Variants in ECHS1 observed in about 807,000 individuals in gnomAD.
ECHS1 encodes enoyl-CoA hydratase, mitochondrial.
ECHS1 carries 19 observed loss-of-function variants against 33.5 expected under a neutral mutation model. The ratio of observed to expected loss-of-function variants is 0.57; its 90% CI spans 0.40 to 0.83. The LOEUF (loss-of-function observed/expected upper bound fraction) is 0.83, where lower values mean the gene tolerates loss of function less well. ECHS1 is among the 40% of genes least tolerant of loss of function. ECHS1 has a pLI of 0.00. For missense variants in ECHS1, 365 were observed against 381.3 expected, an observed-to-expected ratio of 0.96 and a Z score of 0.36; for synonymous variants, 158 against 146.6, an observed-to-expected ratio of 1.08 and a Z score of -0.56.
Position 133,371,043 on chromosome 10 carries a change from C to T in ECHS1, c.89-286G>A, listed in dbSNP as rs186704372. Among the ~76,000 whole-genome samples, 390 of 152,316 alleles carry T rather than the reference C, an allele frequency of 2.6e-3. 4 individuals are homozygous for T. Among genetic ancestry groups the T allele is most frequent in the African/African-American group, 9.0e-3 (374 of 41,572 alleles). On this transcript the variant is annotated intron_variant, in intron 1 of 7. Coordinates refer to ENST00000368547, the MANE Select transcript of ECHS1 (RefSeq NM_004092.4). Reference sequence around the variant, plus strand: ...CTGTAATCCCAGCAATTTGGGAGGCCGAAGCGGTCGAATCACAAGGTCAGG... The same window carrying T: ...CTGTAATCCCAGCAATTTGGGAGGCTGAAGCGGTCGAATCACAAGGTCAGG...
intron 5 of ECHS1, 134 bp from the exon 6 acceptor site, chr10:133,366,229 A>G: frequency 4.8e-6 from 5 of 1,051,152 alleles, no homozygotes; most frequent in Non-Finnish European, 5.4e-6. Context: ...CGGCTTCCAC[A>G]CGGGAAGTGC....
chr10:133,362,659 T>C lies in ECHS1; in HGVS notation c.*209A>G, dbSNP rs1848979986. 1 of 597,252 alleles carries C rather than the reference T, an allele frequency of 1.7e-6. No homozygotes were observed. Among genetic ancestry groups the C allele is most frequent in the Non-Finnish European group, 3.0e-6 (1 of 334,278 alleles). The allele number at this position is 597,252 out of a possible 1,614,324, so 37.0% of individuals were successfully genotyped here. A position where few individuals can be genotyped will look rare whatever the true frequency, so the allele number is the denominator to read the frequency against. Reference sequence around the variant, plus strand: ...GGGGGCTCCTCAGCAGAATCTTAGATTTAGAAGGTGCTCCAGTCAGGACCC... The same window carrying C: ...GGGGGCTCCTCAGCAGAATCTTAGACTTAGAAGGTGCTCCAGTCAGGACCC... On this transcript the variant is annotated 3_prime_UTR_variant, in exon 8 of 8. Coordinates refer to ENST00000368547, the MANE Select transcript of ECHS1 (RefSeq NM_004092.4).
chr10:133,373,152 C>G, intron 1 of ECHS1, 94 bp downstream of exon 1: 1 of 966,234 alleles, frequency 1.0e-6, no homozygotes, highest in Non-Finnish European at 1.3e-6. Context: ...GATGCGGGGT[C>G]AGGTGGGAGG....
intron 5 of ECHS1, 37 bp downstream of exon 5, chr10:133,366,851 GT>G (rs1282353980): frequency 6.5e-7 from 1 of 1,543,528 alleles, no homozygotes; most frequent in Non-Finnish European, 8.9e-7. Context: ...CCCACCCCGG[GT>G]TTCCAGGTGG....
intron 3 of ECHS1, among the ~76,000 whole-genome samples, 168 bp downstream of exon 3, chr10:133,369,736 A>C (rs1849079697): frequency 6.6e-6 from 1 of 152,156 alleles, no homozygotes; most frequent in East Asian, 1.9e-4. Flanking sequence ...AGATGCCAGG[A>C]GGTGTCCTCT....
At position 133,369,904 on chromosome 10, in the gene ECHS1, G is replaced by A. The variant is rs149399503; in HGVS notation, c.414C>T (p.Ala138=). The part of the protein sequence containing the change: ...KPVIAAVNGY[A]FGGGCELAMM... ...GGAGACTCTTGGCAGCAACACTCAC[G>A]GCATAGCCATTGACAGCAGCGATGA... The change falls in exon 3 of 8, where the codon GCC becomes GCT. Residue 138 remains alanine (A), a splice_region_variant and synonymous_variant. Transcript: ENST00000368547. The A allele has an allele frequency of 8.9e-5, 144 of 1,613,390 alleles. No individual in the cohort carries two copies. In the African/African-American group the frequency reaches 1.2e-3, roughly 13 times the overall value.
chr10:133,363,380 C>CGCGCATCTGT (rs56046171), intron 7 of ECHS1, among the ~76,000 whole-genome samples: 4 of 151,198 alleles, frequency 2.6e-5, no homozygotes, highest in African/African-American at 7.3e-5. Context: ...CACACACACA[C>CGCGCATCTGT]ACACGCATCT....
chr10:133,370,428 C>A (rs966690951), intron 2 of ECHS1, 132 bp downstream of exon 2: 1 of 1,034,904 alleles, frequency 9.7e-7, no homozygotes, highest in Non-Finnish European at 1.3e-6. Context: ...CGTCTTCACT[C>A]GATATTTGAG....
rs192497815 is a variant in ECHS1 at position 133,362,970 on chromosome 10, C to T, written c.808-37G>A. Reference sequence around the variant, plus strand: ...AGGAACAGAAACAGAGCTGGACGCGCAGTATCCTCACAGAGCCTGATGCCA... The same window carrying T: ...AGGAACAGAAACAGAGCTGGACGCGTAGTATCCTCACAGAGCCTGATGCCA... On this transcript the variant is annotated intron_variant, in intron 7 of 7. Coordinates refer to ENST00000368547, the MANE Select transcript of ECHS1 (RefSeq NM_004092.4). 8.8e-4 allele frequency: 1,417 copies of T among 1,609,390 alleles called. 11 individuals are homozygous for T. The African/African-American group carries it at 0.015, about 17-fold the overall frequency.
In ECHS1 at chr10:133,370,609, G is replaced by C. The variant is rs1849093253; in HGVS notation, c.237C>G (p.Asp79Glu). ...LNQALKTFEEDPAVGAIVLTG... is the reference protein window; with the variant it reads ...LNQALKTFEEEPAVGAIVLTG... ...TGAGGACAATGGCCCCCACGGCCGG[G>C]TCCTCCTCGAAGGTCTTCAGGGCCT... The change falls in exon 2 of 8, where the codon GAC (aspartate) becomes GAG (glutamate). Residue 79 changes from aspartate (D) to glutamate (E), a missense_variant. Physicochemically the swap from Asp to Glu is conservative, Grantham distance 45. Transcript: ENST00000368547. 6.2e-7 allele frequency: 1 copy of C among 1,611,346 alleles called. No individual in the cohort carries two copies. The highest frequency in any genetic ancestry group is 1.3e-5 in the African/African-American group (1 of 74,924).
At chr10:133,363,365 A>G (rs1400213355) in intron 7 of ECHS1, among the ~76,000 whole-genome samples, 1 of 71,024 alleles carries the variant, frequency 1.4e-5, no homozygotes, top group Non-Finnish European at 3.5e-5. Flanking sequence ...GCACACACAC[A>G]CACACACACA....
At chr10:133,367,770 GGAA>G (rs766655558) in intron 4 of ECHS1, among the ~76,000 whole-genome samples, 1 of 151,424 alleles carries the variant, frequency 6.6e-6, no homozygotes, top group Non-Finnish European at 1.5e-5. Context: ...AGCAGATAGT[GGAA>G]GAAGAAAGAG....
chr10:133,363,348 C>T (rs973672600), intron 7 of ECHS1, among the ~76,000 whole-genome samples: 10 of 16,664 alleles, frequency 6.0e-4, no homozygotes, highest in African/African-American at 1.7e-3. Flanking sequence ...CCCAGGTGTG[C>T]GCGCGCGCAC....
Position 133,362,805 on chromosome 10 carries a change from C to T in ECHS1, c.*63G>A. On this transcript the variant is annotated 3_prime_UTR_variant, in exon 8 of 8. Coordinates refer to ENST00000368547, the MANE Select transcript of ECHS1 (RefSeq NM_004092.4). ...TGAAAAGAGGATGATTTACTTGCTT[C>T]TAAAACTGACAGGCTGCACTTGTCC... 1 of 1,556,320 alleles carries T rather than the reference C, an allele frequency of 6.4e-7. No individual in the cohort carries two copies. The highest frequency in any genetic ancestry group is 8.9e-7 in the Non-Finnish European group (1 of 1,127,460).
intron 2 of ECHS1, 116 bp downstream of exon 2, chr10:133,370,444 C>T (rs768140304): frequency 9.1e-5 from 105 of 1,148,028 alleles, no homozygotes; most frequent in South Asian, 3.5e-4. Flanking sequence ...TTGAGGAAGT[C>T]CCCAGTCGCA....
rs551816003 is a variant in ECHS1 at position 133,363,904 on chromosome 10, A to T, written c.807+754T>A. 3.3e-5 allele frequency among the ~76,000 whole-genome samples: 5 copies of T among 152,314 alleles called. No individual in the cohort carries two copies. The East Asian group carries it at 7.7e-4, about 24-fold the overall frequency. On this transcript the variant is annotated intron_variant, in intron 7 of 7. Coordinates refer to ENST00000368547, the MANE Select transcript of ECHS1 (RefSeq NM_004092.4). The stretch of plus-strand genomic sequence containing the variant: ...ATCTTATTAGAATACATTTGAGCCT[A>T]TTCCAAATAATTGGAATGATCTAAA...
rs540626227 is a variant in ECHS1, at chr10:133,369,036, G to A, written c.415-14C>T. 1.9e-5 allele frequency: 30 copies of A among 1,612,026 alleles called. No individual in the cohort carries two copies. The highest frequency in any genetic ancestry group is 5.5e-5 in the South Asian group (5 of 91,002). The stretch of plus-strand genomic sequence containing the variant: ...GCCCCCGCCAAACTGTAAAACATTC[G>A]GCATCAGGAGAGTCTTACCAGGGGA... On this transcript the variant is annotated splice_polypyrimidine_tract_variant and intron_variant, in intron 3 of 7. Coordinates refer to ENST00000368547, the MANE Select transcript of ECHS1 (RefSeq NM_004092.4).
intron 7 of ECHS1, among the ~76,000 whole-genome samples, chr10:133,363,737 T>C (rs1292877259): frequency 1.3e-5 from 2 of 152,094 alleles, no homozygotes; most frequent in East Asian, 3.9e-4. Flanking sequence ...TGAGCTGAGA[T>C]CTCACCACTG....
At chr10:133,371,093 C>T (rs959087356) in intron 1 of ECHS1, among the ~76,000 whole-genome samples, 4 of 152,152 alleles carry the variant, frequency 2.6e-5, no homozygotes, top group South Asian at 2.1e-4. Flanking sequence ...CTGGCTAACA[C>T]GGTGAAACGC....
Sources: allele counts gnomAD v4.1 joint callset (sites outside exome capture counted in the v4.1 genomes callset), GRCh38; gene constraint gnomAD v4.1.1; transcripts MANE v1.5; gene names NCBI Gene and HGNC (gene_info 2026-07-23, HGNC 2026-07-21).